The following FAT3 variants were observed in gnomAD, a reference collection of about 807,000 sequenced individuals.
The protein encoded by FAT3 is FAT atypical cadherin 3, also known as protocadherin Fat 3.
Under a neutral mutation model 310.2 loss-of-function variants are expected in FAT3, and 95 were observed. That is an observed-to-expected ratio of 0.31 (90% CI 0.26 to 0.36). The LOEUF is 0.36. FAT3 is among the 10% of genes least tolerant of loss of function. The probability of loss-of-function intolerance (pLI) is 1.00; values close to 1 mark genes in which losing one functional copy is unlikely to be tolerated. For missense variants in FAT3, 5,408 were observed against 5,715.6 expected (o/e 0.95, Z 1.74); for synonymous variants, 2,314 against 2,192.9 (o/e 1.06, Z -1.54).
intron 3 of FAT3, among the ~76,000 whole-genome samples, chr11:92,536,304 T>G (rs2135398568): frequency 6.6e-6 from 1 of 152,322 alleles, no homozygotes; most frequent in African/African-American, 2.4e-5. Context: ...TGCTTTCTAC[T>G]TTGCTGTACA....
At chr11:92,444,128 G>T (rs1340896115) in intron 2 of FAT3, among the ~76,000 whole-genome samples, 2 of 152,068 alleles carry the variant, frequency 1.3e-5, no homozygotes, top group African/African-American at 4.8e-5. Context: ...AAAATATTGT[G>T]AACCATATAA....
chr11:92,606,203 G>A (rs555245003), intron 3 of FAT3, among the ~76,000 whole-genome samples: 2 of 152,192 alleles, frequency 1.3e-5, no homozygotes, highest in South Asian at 2.1e-4. Context: ...TTTCTGTTAC[G>A]GCAGTGTTTG....
intron 3 of FAT3, among the ~76,000 whole-genome samples, chr11:92,560,165 T>C (rs1474331572): frequency 6.6e-6 from 1 of 152,226 alleles, no homozygotes; most frequent in Non-Finnish European, 1.5e-5. Context: ...TTAAGTGGTA[T>C]CTTATTGTGA....
chr11:92,650,874 C>T (rs769463526), intron 3 of FAT3, among the ~76,000 whole-genome samples: 18 of 152,196 alleles, frequency 1.2e-4, no homozygotes, highest in Non-Finnish European at 2.4e-4. Context: ...ATGAATAGCA[C>T]TTAGTTTAGC....
chr11:92,801,977 G>A, intron 10 of FAT3, 68 bp downstream of exon 10: 2 of 1,439,326 alleles, frequency 1.4e-6, no homozygotes, highest in Non-Finnish European at 1.9e-6. Flanking sequence ...ATGGCGGGGA[G>A]AAGAGTAAGA....
At chr11:92,297,467 A>T (rs1260300791) in intron 1 of FAT3, among the ~76,000 whole-genome samples, 1 of 152,086 alleles carries the variant, frequency 6.6e-6, no homozygotes, top group Non-Finnish European at 1.5e-5. Flanking sequence ...ACTCATTATT[A>T]TTCTGACCAT....
intron 2 of FAT3, among the ~76,000 whole-genome samples, chr11:92,374,028 A>AGG (rs1029814188): frequency 3.2e-5 from 4 of 123,424 alleles, no homozygotes; most frequent in African/African-American, 7.8e-5. Context: ...AGACAGAGAG[A>AGG]GGGAGAGAGA....
chr11:92,839,720 G>T lies in FAT3; in HGVS notation c.10369-842G>T, dbSNP rs181898746. 1.5e-3 allele frequency among the ~76,000 whole-genome samples: 225 copies of T among 152,274 alleles called. 1 individual carries two copies. The highest frequency in any genetic ancestry group is 5.2e-3 in the African/African-American group (217 of 41,556). ...CCTGAGCTGATACAACTGATTTCAG[G>T]CCCAAGCTGTGGTATTGCTGAAGTC... On this transcript the variant is annotated intron_variant, in intron 17 of 27. Coordinates refer to ENST00000525166, the MANE Select transcript of FAT3 (RefSeq NM_001367949.2).
intron 2 of FAT3, among the ~76,000 whole-genome samples, chr11:92,449,034 GT>G (rs1270658730): frequency 1.3e-5 from 2 of 152,086 alleles, no homozygotes; most frequent in African/African-American, 4.8e-5. Flanking sequence ...CCAACATTTA[GT>G]GAAATCTCAC....
chr11:92,348,868 A>G (rs1948485154), intron 1 of FAT3, among the ~76,000 whole-genome samples: 1 of 152,188 alleles, frequency 6.6e-6, no homozygotes, highest in Non-Finnish European at 1.5e-5. Context: ...AACGGAGCAT[A>G]TTAAAGGCAT....
intron 6 of FAT3, among the ~76,000 whole-genome samples, chr11:92,769,819 A>C: frequency 6.6e-6 from 1 of 152,184 alleles, no homozygotes; most frequent in Admixed American, 6.5e-5. Context: ...GGTTCCTTCA[A>C]ACTTTGGGCT....
Position 92,831,933 on chromosome 11 carries a change from A to G in FAT3, c.9793A>G (p.Ile3265Val), listed in dbSNP as rs1226789157. The stretch of plus-strand genomic sequence containing the variant: ...TGCTGTTTTTGCCACCAGCAAAGAT[A>G]TTGGCACAAATGCTGAGATCACTTA... ...VLAVFATSKD[I>V]GTNAEITYLI... is the part of the protein sequence containing the mutation. Residue 3265 changes from isoleucine to valine, a missense_variant, in exon 14 of 28, where the codon ATT becomes GTT. Coordinates refer to ENST00000525166, the MANE Select transcript of FAT3 (RefSeq NM_001367949.2). 6 of 1,601,668 alleles carry G rather than the reference A, an allele frequency of 3.7e-6. No homozygotes were observed. The highest frequency in any genetic ancestry group is 5.1e-6 in the Non-Finnish European group (6 of 1,173,920).
chr11:92,880,669 G>T, intron 22 of FAT3, 62 bp from the exon 23 acceptor site: 1 of 1,544,924 alleles, frequency 6.5e-7, no homozygotes, highest in South Asian at 1.3e-5. Context: ...TGTTATAGCT[G>T]AGTCCAAGCA....
intron 2 of FAT3, among the ~76,000 whole-genome samples, chr11:92,472,333 C>G (rs1951931245): frequency 6.6e-6 from 1 of 152,128 alleles, no homozygotes; most frequent in South Asian, 2.1e-4. Context: ...TCTGATGGCT[C>G]TTTGGTAACC....
intron 1 of FAT3, among the ~76,000 whole-genome samples, chr11:92,293,897 T>G (rs1006559669): frequency 6.6e-6 from 1 of 152,062 alleles, no homozygotes; most frequent in African/African-American, 2.4e-5. Flanking sequence ...AAGGCAGTAT[T>G]GGGCTAAAGC....
At chr11:92,668,008 G>A (rs957476013) in intron 3 of FAT3, among the ~76,000 whole-genome samples, 1 of 152,182 alleles carries the variant, frequency 6.6e-6, no homozygotes, top group Admixed American at 6.5e-5. Context: ...AGCCTGCCTT[G>A]GGCTCTCCAT....
At chr11:92,566,624 C>G (rs893270733) in intron 3 of FAT3, among the ~76,000 whole-genome samples, 1 of 151,288 alleles carries the variant, frequency 6.6e-6, no homozygotes, top group East Asian at 1.9e-4. Context: ...ATCACACTAC[C>G]TGACTTCAAA....
intron 2 of FAT3, among the ~76,000 whole-genome samples, chr11:92,372,126 G>A (rs1949202830): frequency 6.6e-6 from 1 of 152,074 alleles, no homozygotes; most frequent in Admixed American, 6.6e-5. Flanking sequence ...GCCCATTTCT[G>A]GCCTTTTATT....
At chr11:92,529,864 A>G (rs540528486) in intron 3 of FAT3, among the ~76,000 whole-genome samples, 11 of 152,316 alleles carry the variant, frequency 7.2e-5, no homozygotes, top group Non-Finnish European at 2.9e-5. Flanking sequence ...GGTGAAGTTC[A>G]GCTTTCTTTT....
Sources: gnomAD v4.1 joint callset for allele counts (sites outside exome capture counted in the v4.1 genomes callset) on GRCh38, gnomAD v4.1.1 for gene constraint, MANE v1.5 for transcripts, NCBI Gene and HGNC (gene_info 2026-07-23, HGNC 2026-07-21) for gene names.